AKT3: variants seen among roughly 807,000 people sequenced by gnomAD.
AKT3 encodes the protein RAC-gamma serine/threonine-protein kinase.
AKT3 carries 15 observed loss-of-function variants against 65.3 expected under a neutral mutation model. That is an observed-to-expected ratio of 0.23 (90% CI 0.15 to 0.35). AKT3 has a LOEUF of 0.35. Among genes scored for constraint, AKT3 ranks in the 10% least tolerant of loss-of-function variants. The pLI is 1.00. For synonymous variants in AKT3, 206 were observed against 183.8 expected (o/e 1.12, Z -0.98); for missense variants, 243 against 576.5 (o/e 0.42, Z 5.92).
chr1:243,732,289 C>A (rs1476001293), intron 2 of AKT3, among the ~76,000 whole-genome samples: 1 of 152,226 alleles, frequency 6.6e-6, no homozygotes, highest in African/African-American at 2.4e-5. Context: ...ACACTTCCAG[C>A]TTTCCCATGC....
intron 4 of AKT3, among the ~76,000 whole-genome samples, chr1:243,656,661 T>C (rs1471585799): frequency 2.0e-5 from 3 of 152,168 alleles, no homozygotes; most frequent in Admixed American, 1.3e-4. Context: ...CTACAGGTAA[T>C]GTAAGAGCAC....
At chr1:243,553,537 G>A (rs1320072319) in intron 10 of AKT3, among the ~76,000 whole-genome samples, 16 of 152,134 alleles carry the variant, frequency 1.1e-4, no homozygotes, top group Non-Finnish European at 1.9e-4. Flanking sequence ...AAGAGACAAA[G>A]TGAATATAAA....
Position 243,502,181 on chromosome 1 carries a change from A to G in AKT3, c.*3068T>C, listed in dbSNP as rs2148339122. The G allele has an allele frequency of 8.6e-6, 2 of 232,008 alleles. No homozygotes were observed. Among genetic ancestry groups the G allele is most frequent in the East Asian group, 1.2e-4 (2 of 16,362 alleles). The allele number at this position is 232,008 out of a possible 1,614,324, so 14.4% of individuals were successfully genotyped here. A position where few individuals can be genotyped will look rare whatever the true frequency, so the allele number is the denominator to read the frequency against. On this transcript the variant is annotated 3_prime_UTR_variant, in exon 14 of 14. Transcript: ENST00000673466. The stretch of plus-strand genomic sequence containing the variant: ...ACCAGGAGCAAGATAAGGAAATTCT[A>G]CTGTAGACAGTACAAACAGTAGCAG...
At chr1:243,567,487 CTTTTTTT>C (rs993323556) in intron 9 of AKT3, among the ~76,000 whole-genome samples, 46 of 122,320 alleles carry the variant, frequency 3.8e-4, no homozygotes, top group Non-Finnish European at 5.6e-4. Context: ...TTGTTTCTTC[CTTTTTTT>C]TTTTTTTTTT....
At chr1:243,579,550 T>C (rs1394486908) in intron 8 of AKT3, among the ~76,000 whole-genome samples, 1 of 152,170 alleles carries the variant, frequency 6.6e-6, no homozygotes, top group East Asian at 1.9e-4. Flanking sequence ...GTTGTCATAT[T>C]TAGGTGGGCT....
At chr1:243,526,474 C>G (rs932117938) in intron 12 of AKT3, among the ~76,000 whole-genome samples, 1 of 151,994 alleles carries the variant, frequency 6.6e-6, no homozygotes, top group African/African-American at 2.4e-5. Context: ...AATGGCTGTT[C>G]CGTCACGTCT....
chr1:243,776,394 A>G, intron 2 of AKT3, among the ~76,000 whole-genome samples: 1 of 152,164 alleles, frequency 6.6e-6, no homozygotes. Context: ...TTGGGAAAAG[A>G]TTAGAGTTAG....
intron 12 of AKT3, among the ~76,000 whole-genome samples, chr1:243,528,687 G>A (rs968668816): frequency 2.6e-5 from 4 of 152,182 alleles, no homozygotes; most frequent in African/African-American, 7.2e-5. Flanking sequence ...GTATTCCATG[G>A]TGTATCTGTA....
chr1:243,620,588 T>G (rs1372893591), intron 6 of AKT3, among the ~76,000 whole-genome samples: 3 of 152,144 alleles, frequency 2.0e-5, no homozygotes, highest in African/African-American at 7.2e-5. Flanking sequence ...GGTTCTAACT[T>G]TTGTTTCTTG....
Position 243,692,326 on chromosome 1 carries a change from G to A in AKT3, c.172+3265C>T, listed in dbSNP as rs1195579963. ...ATATCCTTATTCCTGAAGACACAGGGACAGAGAAAAGAATCTGACAAACAA... is the reference window on the plus strand; with the variant it reads ...ATATCCTTATTCCTGAAGACACAGGAACAGAGAAAAGAATCTGACAAACAA... On this transcript the variant is annotated intron_variant, in intron 3 of 13. Transcript: ENST00000673466. Among the ~76,000 whole-genome samples the A allele has an allele frequency of 4.6e-5, 7 of 152,202 alleles. No individual in the cohort carries two copies. The East Asian group carries it at 5.8e-4, about 13-fold the overall frequency.
At position 243,533,470 on chromosome 1, in the gene AKT3, C is replaced by G. The variant is rs376513409; in HGVS notation, c.1251+12040G>C. On this transcript the variant is annotated intron_variant, in intron 12 of 13. Coordinates refer to ENST00000673466, the MANE Select transcript of AKT3 (RefSeq NM_005465.7). ...AAAGTACCTATGGCAATTGTACTAT[C>G]TGTGAAATGAATGGTGCTATTTAAA... 3.3e-5 allele frequency among the ~76,000 whole-genome samples: 5 copies of G among 152,220 alleles called. No homozygotes were observed. The East Asian group carries it at 9.6e-4, about 29-fold the overall frequency.
chr1:243,695,288 A>C (rs1684990988), intron 3 of AKT3, among the ~76,000 whole-genome samples: 1 of 151,982 alleles, frequency 6.6e-6, no homozygotes. Context: ...TAAATCTAAC[A>C]ACCAAGTTCA....
chr1:243,539,083 T>C (rs1672117108), intron 12 of AKT3, among the ~76,000 whole-genome samples: 1 of 152,032 alleles, frequency 6.6e-6, no homozygotes, highest in Admixed American at 6.6e-5. Flanking sequence ...TGAACACTGG[T>C]AGAACAATTT....
In AKT3 at chr1:243,537,649, G is replaced by C. The variant is rs916668371; in HGVS notation, c.1251+7861C>G. Among the ~76,000 whole-genome samples the C allele has an allele frequency of 1.1e-4, 16 of 152,150 alleles. No individual in the cohort carries two copies. The South Asian group carries it at 2.3e-3, about 22-fold the overall frequency. On this transcript the variant is annotated intron_variant, in intron 12 of 13. Transcript: ENST00000673466. ...ATAAGAGTCTATTCCAACAAAACTT[G>C]AAAAAATCCAGTTGCTGCGTGTCAT...
intron 2 of AKT3, among the ~76,000 whole-genome samples, chr1:243,810,761 C>G (rs866768470): frequency 6.6e-6 from 1 of 152,064 alleles, no homozygotes. Context: ...TGATGAACAT[C>G]GATGCAAAAA....
At chr1:243,819,506 C>T (rs139534512) in intron 2 of AKT3, among the ~76,000 whole-genome samples, 1 of 152,194 alleles carries the variant, frequency 6.6e-6, no homozygotes, top group Admixed American at 6.5e-5. Flanking sequence ...TGGGACTCAG[C>T]CCCTGCGGGG....
chr1:243,818,621 A>G (rs756834146), intron 2 of AKT3, among the ~76,000 whole-genome samples: 2 of 152,228 alleles, frequency 1.3e-5, no homozygotes, highest in Non-Finnish European at 2.9e-5. Context: ...AAGTTTACCC[A>G]ACAATTGATG....
intron 12 of AKT3, among the ~76,000 whole-genome samples, chr1:243,520,427 C>T (rs1314544374): frequency 3.9e-5 from 6 of 152,178 alleles, no homozygotes. Context: ...TTACAGCAGC[C>T]CTAGCACATA....
At chr1:243,650,279 T>TCA (rs1480057891) in intron 4 of AKT3, among the ~76,000 whole-genome samples, 1 of 152,228 alleles carries the variant, frequency 6.6e-6, no homozygotes, top group Admixed American at 6.5e-5. Context: ...TAAATTTGTT[T>TCA]AAGTTCTTTG....
Sources: gnomAD v4.1 joint callset for allele counts (sites outside exome capture counted in the v4.1 genomes callset) on GRCh38, gnomAD v4.1.1 for gene constraint, MANE v1.5 for transcripts, NCBI Gene and HGNC (gene_info 2026-07-23, HGNC 2026-07-21) for gene names.